WBP2NL: variants seen among roughly 807,000 people sequenced by gnomAD.
The protein encoded by WBP2NL is WBP2 N-terminal like.
In WBP2NL, 27 loss-of-function variants were observed where a neutral mutation model predicts 23.3. The observed-to-expected ratio is 1.16, with a 90% confidence interval of 0.85 to 1.60. WBP2NL has a LOEUF of 1.60. Ranked by LOEUF, WBP2NL falls within the 40% of genes most tolerant of loss-of-function variation. The pLI is 0.00. For synonymous variants in WBP2NL, 151 were observed against 145.9 expected, an observed-to-expected ratio of 1.03 and a Z score of -0.25; for missense variants, 370 against 389.5, an observed-to-expected ratio of 0.95 and a Z score of 0.42.
At chr22:42,025,254 C>G (rs1324477584) in intron 5 of WBP2NL, among the ~76,000 whole-genome samples, 1 of 152,158 alleles carries the variant, frequency 6.6e-6, no homozygotes, top group African/African-American at 2.4e-5. Flanking sequence ...AGTTTTAGCT[C>G]TTATATCAAG....
chr22:42,044,835 A>G (rs950790727), intron 8 of WBP2NL, among the ~76,000 whole-genome samples: 1 of 151,870 alleles, frequency 6.6e-6, no homozygotes, highest in Non-Finnish European at 1.5e-5. Context: ...TTTTGTAGAG[A>G]TGGATGTCAC....
chr22:42,001,127 C>T (rs1921624287), intron 1 of WBP2NL: 1 of 1,025,192 alleles, frequency 9.8e-7, no homozygotes, highest in Admixed American at 1.7e-5. Context: ...ACCCATGCCT[C>T]TGAGAACACT....
Position 42,023,444 on chromosome 22 carries a change from C to T in WBP2NL, c.514+1088C>T, listed in dbSNP as rs546601374. 5.9e-5 allele frequency among the ~76,000 whole-genome samples: 9 copies of T among 152,284 alleles called. 1 individual carries two copies. The South Asian group carries it at 1.9e-3, about 32-fold the overall frequency. On this transcript the variant is annotated intron_variant, in intron 5 of 5. Coordinates refer to ENST00000328823, the MANE Select transcript of WBP2NL (RefSeq NM_152613.3). The stretch of plus-strand genomic sequence containing the variant: ...TCCTGGCCTCCAGCCATCTGCCCGC[C>T]TTGCCCTCCCGAGGTGCTGGGATTA...
Position 42,009,252 on chromosome 22 carries a change from C to T in WBP2NL, c.63-10059C>T, listed in dbSNP as rs541228054. 1.6e-4 allele frequency among the ~76,000 whole-genome samples: 24 copies of T among 152,314 alleles called. No homozygotes were observed. The South Asian group carries it at 2.5e-3, about 16-fold the overall frequency. ...TAAATACAATTTGAAATATTTTCTCCCATTCCATAGGTTGCTGTTTCATTC... is the reference window on the plus strand; with the variant it reads ...TAAATACAATTTGAAATATTTTCTCTCATTCCATAGGTTGCTGTTTCATTC... On this transcript the variant is annotated intron_variant, in intron 1 of 5. Coordinates refer to ENST00000328823, the MANE Select transcript of WBP2NL (RefSeq NM_152613.3).
At chr22:42,006,222 T>C (rs1922223666) in intron 1 of WBP2NL, among the ~76,000 whole-genome samples, 2 of 67,560 alleles carry the variant, frequency 3.0e-5, no homozygotes, top group Middle Eastern at 6.3e-3. Flanking sequence ...TTTCCCAATC[T>C]TTTTTTTTTT....
Position 41,998,795 on chromosome 22 carries a change from G to C in WBP2NL, c.-24G>C. 6.2e-7 allele frequency: 1 copy of C among 1,605,016 alleles called. No individual in the cohort carries two copies. The highest frequency in any genetic ancestry group is 8.5e-7 in the Non-Finnish European group (1 of 1,174,968). On this transcript the variant is annotated 5_prime_UTR_variant, in exon 1 of 6. Transcript: ENST00000328823. The stretch of plus-strand genomic sequence containing the variant: ...CAGGTCCCGCCCCTTTCCATCTACG[G>C]GGCGGCAGGAGGCCCGAAGCAAGAT...
intron 8 of WBP2NL, among the ~76,000 whole-genome samples, chr22:42,039,420 A>G (rs557181390): frequency 6.7e-6 from 1 of 149,086 alleles, no homozygotes; most frequent in East Asian, 2.0e-4. Context: ...CTCAAACTCT[A>G]GAGCCCAAGC....
intron 1 of WBP2NL, among the ~76,000 whole-genome samples, chr22:42,006,952 C>G (rs1205963897): frequency 6.6e-6 from 1 of 152,124 alleles, no homozygotes; most frequent in African/African-American, 2.4e-5. Flanking sequence ...GTGCTGGAAA[C>G]CTGTCATTAT....
downstream of WBP2NL, among the ~76,000 whole-genome samples, chr22:42,037,066 A>G (rs1925208086): frequency 6.6e-6 from 1 of 151,770 alleles, no homozygotes; most frequent in South Asian, 2.1e-4. Flanking sequence ...CAAGTTTTAC[A>G]TTTGAGCCTT....
At chr22:42,009,905 C>T (rs986144873) in intron 1 of WBP2NL, among the ~76,000 whole-genome samples, 3 of 150,546 alleles carry the variant, frequency 2.0e-5, no homozygotes, top group East Asian at 1.9e-4. Context: ...GTAGCCTGGA[C>T]GTCTTAGCCT....
chr22:42,010,212 T>A (rs769854499), intron 1 of WBP2NL, among the ~76,000 whole-genome samples: 3 of 152,240 alleles, frequency 2.0e-5, no homozygotes, highest in Non-Finnish European at 4.4e-5. Flanking sequence ...ACTCTTTAAG[T>A]TTATTTACAT....
chr22:42,002,476 C>G (rs937138122), intron 1 of WBP2NL, among the ~76,000 whole-genome samples: 1 of 152,052 alleles, frequency 6.6e-6, no homozygotes, highest in Non-Finnish European at 1.5e-5. Context: ...CCCAGCGACT[C>G]AGGAGGCTGA....
intron 5 of WBP2NL, among the ~76,000 whole-genome samples, chr22:42,023,225 C>T (rs375122795): frequency 6.6e-6 from 1 of 151,372 alleles, no homozygotes; most frequent in Non-Finnish European, 1.5e-5. Context: ...CACTTTGTCA[C>T]CCAGGCTGTA....
chr22:42,028,377 A>G lies in WBP2NL; in HGVS notation c.*1196A>G, dbSNP rs376079257. 4 of 247,884 alleles carry G rather than the reference A, an allele frequency of 1.6e-5. No homozygotes were observed. Among genetic ancestry groups the G allele is most frequent in the Admixed American group, 1.1e-4 (2 of 18,406 alleles). 15.4% of individuals were successfully genotyped at this position (247,884 alleles called of 1,614,324 possible). ...ATTTTGTAATGTCTCCTTCACTTCA[A>G]TGAAGTTTGTAGATAATTGCATATG... On this transcript the variant is annotated 3_prime_UTR_variant, in exon 6 of 6. Transcript: ENST00000328823.
intron 8 of WBP2NL, among the ~76,000 whole-genome samples, chr22:42,051,661 T>G (rs1266625152): frequency 6.6e-6 from 1 of 152,172 alleles, no homozygotes; most frequent in Non-Finnish European, 1.5e-5. Flanking sequence ...CTAAACCTGG[T>G]CTTTAAAAGG....
At position 42,023,566 on chromosome 22, in the gene WBP2NL, G is replaced by A. The variant is rs184780438; in HGVS notation, c.514+1210G>A. 6.6e-5 allele frequency among the ~76,000 whole-genome samples: 10 copies of A among 151,496 alleles called. No homozygotes were observed. The East Asian group carries it at 1.2e-3, about 18-fold the overall frequency. ...CGCCCAGGCTGGAGTGCAGTGGCGC[G>A]ATGCAAGCTCCACCTCCCGGGTTCA... is the stretch of plus-strand genomic sequence containing the variant. On this transcript the variant is annotated intron_variant, in intron 5 of 5. Transcript: ENST00000328823.
chr22:42,022,259 A>G lies in WBP2NL; in HGVS notation c.417A>G (p.Gly139=). The change falls in exon 5 of 6, where the codon GGA becomes GGG. Residue 139 remains glycine (G), a synonymous_variant. Transcript: ENST00000328823. The part of the protein sequence containing the change: ...MVKAASAAAR[G]FPLRTLNDWF... ...AATTTGTCTTTCCAGCTGCCCGAGG[A>G]TTTCCACTTAGAACCTTAAATGACT... 1 of 1,614,172 alleles carries G rather than the reference A, an allele frequency of 6.2e-7. No individual in the cohort carries two copies. The highest frequency in any genetic ancestry group is 8.5e-7 in the Non-Finnish European group (1 of 1,180,014).
chr22:42,038,438 T>TA (rs1569453680), intron 8 of WBP2NL, among the ~76,000 whole-genome samples: 1 of 152,228 alleles, frequency 6.6e-6, no homozygotes. Context: ...GTAATTTTCT[T>TA]ATGTTATCTT....
chr22:42,007,951 T>C (rs911553599), intron 1 of WBP2NL, among the ~76,000 whole-genome samples: 12 of 152,186 alleles, frequency 7.9e-5, no homozygotes, highest in African/African-American at 2.9e-4. Context: ...GGTAGTTCTA[T>C]TTTTAATTTT....
Sources: gnomAD v4.1 joint callset for allele counts (sites outside exome capture counted in the v4.1 genomes callset) on GRCh38, gnomAD v4.1.1 for gene constraint, MANE v1.5 for transcripts, NCBI Gene and HGNC (gene_info 2026-07-23, HGNC 2026-07-21) for gene names.